Variants in ZNF536 observed in about 807,000 individuals in gnomAD.
ZNF536 encodes zinc finger protein 536.
Under a neutral mutation model 84.5 loss-of-function variants are expected in ZNF536, and 13 were observed. That is an observed-to-expected ratio of 0.15 (90% CI 0.10 to 0.24). ZNF536 has a LOEUF of 0.24. ZNF536 is among the 10% of genes least tolerant of loss of function. The pLI is 1.00. For missense variants in ZNF536, 1,536 were observed against 1,747.5 expected (o/e 0.88, Z 2.16); for synonymous variants, 811 against 742.5 (o/e 1.09, Z -1.50).
Position 30,585,344 on chromosome 19 carries a change from T to C in ZNF536, c.169+35830T>C, listed in dbSNP as rs1225933727. 3.3e-5 allele frequency among the ~76,000 whole-genome samples: 5 copies of C among 152,146 alleles called. No individual in the cohort carries two copies. The South Asian group carries it at 1.0e-3, about 32-fold the overall frequency. On this transcript the variant is annotated intron_variant, in intron 1 of 1. Coordinates refer to the ZNF536 transcript ENST00000592773. ...GGCACAGTGCCTGGCACAGAGTAGA[T>C]TCTCAAAATATTGTAGAATACTGAA... is the stretch of plus-strand genomic sequence containing the variant.
chr19:30,267,088 T>C (rs2025552618), intron 1 of ZNF536, among the ~76,000 whole-genome samples: 1 of 152,222 alleles, frequency 6.6e-6, no homozygotes, highest in African/African-American at 2.4e-5. Context: ...CAATGATTAA[T>C]GAACAGAGAT....
chr19:30,428,391 T>G (rs1228474880), intron 1 of ZNF536, among the ~76,000 whole-genome samples: 2 of 152,228 alleles, frequency 1.3e-5, no homozygotes, highest in Non-Finnish European at 2.9e-5. Context: ...CTCATAGAGC[T>G]GACAAGTTGC....
At chr19:30,351,656 C>G (rs1238906305) in intron 2 of ZNF536, among the ~76,000 whole-genome samples, 1 of 152,156 alleles carries the variant, frequency 6.6e-6, no homozygotes, top group Non-Finnish European at 1.5e-5. Flanking sequence ...ACAAGAAACC[C>G]CTCAGTGGGA....
intron 2 of ZNF536, among the ~76,000 whole-genome samples, chr19:30,323,628 T>G (rs570194604): frequency 1.3e-5 from 2 of 151,992 alleles, no homozygotes; most frequent in Non-Finnish European, 2.9e-5. Flanking sequence ...GGCTGCAGGG[T>G]TCTTGGGTTG....
chr19:30,422,601 A>G (rs1477709998), intron 1 of ZNF536, among the ~76,000 whole-genome samples: 3 of 152,184 alleles, frequency 2.0e-5, no homozygotes, highest in Non-Finnish European at 4.4e-5. Flanking sequence ...AGACTTGTCC[A>G]GGCTTATCTC....
At chr19:30,326,649 T>C (rs1355294298) in intron 2 of ZNF536, among the ~76,000 whole-genome samples, 1 of 151,886 alleles carries the variant, frequency 6.6e-6, no homozygotes, top group Non-Finnish European at 1.5e-5. Context: ...AAGCTTTCAG[T>C]GTGTGAGACG....
chr19:30,571,321 T>C (rs1468019642), intron 1 of ZNF536, among the ~76,000 whole-genome samples: 1 of 152,078 alleles, frequency 6.6e-6, no homozygotes, highest in African/African-American at 2.4e-5. Context: ...AGGCAGAGGA[T>C]GGCTTTTGCA....
At chr19:30,321,764 C>CT (rs1219860922) in intron 2 of ZNF536, among the ~76,000 whole-genome samples, 4 of 129,862 alleles carry the variant, frequency 3.1e-5, no homozygotes, top group Non-Finnish European at 6.9e-5. Context: ...TTTCTTTTTT[C>CT]TTTTTTTTCT....
chr19:30,306,486 C>T (rs972325159), intron 2 of ZNF536, among the ~76,000 whole-genome samples: 2 of 152,156 alleles, frequency 1.3e-5, no homozygotes, highest in African/African-American at 4.8e-5. Flanking sequence ...ACCTCTAACA[C>T]GTTGATAGAG....
At chr19:30,319,291 A>ATT (rs1463395479) in intron 2 of ZNF536, among the ~76,000 whole-genome samples, 75 of 152,250 alleles carry the variant, frequency 4.9e-4, no homozygotes, top group African/African-American at 1.7e-3. Context: ...GCCTTTATTT[A>ATT]TTATTTGCTA....
intron 1 of ZNF536, among the ~76,000 whole-genome samples, chr19:30,662,194 C>T (rs911130169): frequency 8.5e-5 from 13 of 152,160 alleles, no homozygotes; most frequent in African/African-American, 3.1e-4. Context: ...GATGGGCCCC[C>T]CAGAAGACGG....
intron 1 of ZNF536, among the ~76,000 whole-genome samples, chr19:30,429,879 A>C (rs907802654): frequency 6.6e-6 from 1 of 152,202 alleles, no homozygotes; most frequent in African/African-American, 2.4e-5. Context: ...TGGAATCCAA[A>C]TTAGTTCAAC....
intron 1 of ZNF536, among the ~76,000 whole-genome samples, chr19:30,592,514 T>C (rs1389845347): frequency 6.6e-6 from 1 of 152,174 alleles, no homozygotes; most frequent in Non-Finnish European, 1.5e-5. Context: ...TTTATTTTTG[T>C]CAAGCTAAAG....
At chr19:30,531,016 G>C (rs2044790701) in intron 2 of ZNF536, among the ~76,000 whole-genome samples, 1 of 152,104 alleles carries the variant, frequency 6.6e-6, no homozygotes, top group Non-Finnish European at 1.5e-5. Context: ...TTGGCTTTCA[G>C]CCTCTCTGGA....
intron 1 of ZNF536, among the ~76,000 whole-genome samples, chr19:30,662,962 C>CTTTTTTTTTTTTTTTTTTT (rs951081577): frequency 1.3e-5 from 1 of 78,770 alleles, no homozygotes; most frequent in Non-Finnish European, 2.5e-5. Context: ...TTTTTCGTTT[C>CTTTTTTTTTTTTTTTTTTT]TTTTTTTTTT....
intron 1 of ZNF536, among the ~76,000 whole-genome samples, chr19:30,575,944 C>T (rs896223326): frequency 2.0e-5 from 3 of 152,184 alleles, no homozygotes; most frequent in African/African-American, 7.2e-5. Flanking sequence ...GCCACAAGAG[C>T]GACTCCGGCA....
At chr19:30,638,178 AG>A (rs1436693848) in intron 1 of ZNF536, among the ~76,000 whole-genome samples, 2 of 152,268 alleles carry the variant, frequency 1.3e-5, no homozygotes, top group Admixed American at 6.5e-5. Flanking sequence ...AAGCCAGGCC[AG>A]GGTGGCTGGT....
intron 1 of ZNF536, among the ~76,000 whole-genome samples, chr19:30,697,449 A>C (rs1159339422): frequency 1.3e-5 from 2 of 152,252 alleles, no homozygotes; most frequent in Non-Finnish European, 2.9e-5. Context: ...TAATACTTAC[A>C]GCCTTTTCTA....
At chr19:30,592,710 C>T (rs2047316980) in intron 1 of ZNF536, among the ~76,000 whole-genome samples, 3 of 150,502 alleles carry the variant, frequency 2.0e-5, no homozygotes, top group Admixed American at 2.0e-4. Context: ...TTTTTCTAAG[C>T]CCAAAGATTA....
Sources: allele counts gnomAD v4.1 joint callset (sites outside exome capture counted in the v4.1 genomes callset), GRCh38; gene constraint gnomAD v4.1.1; transcripts MANE v1.5; gene names NCBI Gene and HGNC (gene_info 2026-07-23, HGNC 2026-07-21).